Variants in MSRA observed in about 807,000 individuals in gnomAD.
MSRA encodes the protein mitochondrial peptide methionine sulfoxide reductase.
In MSRA, 54 loss-of-function variants were observed where a neutral mutation model predicts 31.3. The observed-to-expected ratio is 1.73, with a 90% CI of 1.39 to 2.17. The LOEUF (loss-of-function observed/expected upper bound fraction) is 2.17, where lower values mean the gene tolerates loss of function less well. Ranked by LOEUF, MSRA falls within the 30% of genes most tolerant of loss-of-function variation. The probability of loss-of-function intolerance (pLI) is 0.00; values close to 1 mark genes in which losing one functional copy is unlikely to be tolerated. For synonymous variants in MSRA, 169 were observed against 116.5 expected (o/e 1.45, Z -2.90); for missense variants, 507 against 300.9 (o/e 1.69, Z -5.07).
At chr8:10,356,965 T>A (rs1804546504) in intron 5 of MSRA, among the ~76,000 whole-genome samples, 1 of 152,106 alleles carries the variant, frequency 6.6e-6, no homozygotes, top group African/African-American at 2.4e-5. Context: ...CTCTTCCTTC[T>A]TTTTTCCTGT....
intron 5 of MSRA, among the ~76,000 whole-genome samples, chr8:10,414,578 G>C (rs1808346311): frequency 6.6e-6 from 1 of 152,198 alleles, no homozygotes; most frequent in Admixed American, 6.5e-5. Flanking sequence ...CTGAATTGCT[G>C]CAGTTCTTCT....
chr8:10,264,224 G>C (rs553562901), intron 3 of MSRA, among the ~76,000 whole-genome samples: 1 of 152,176 alleles, frequency 6.6e-6, no homozygotes, highest in Non-Finnish European at 1.5e-5. Context: ...GTGTCATAAA[G>C]TCACTGCTAT....
chr8:10,339,715 G>A (rs563538420), intron 5 of MSRA, among the ~76,000 whole-genome samples: 59 of 151,082 alleles, frequency 3.9e-4, no homozygotes, highest in African/African-American at 1.4e-3. Context: ...CTAATTTTTT[G>A]TATTTTTAGT....
intron 2 of MSRA, among the ~76,000 whole-genome samples, chr8:10,220,663 C>T (rs76834818): frequency 0.018 from 2,757 of 152,292 alleles, 97 homozygotes; most frequent in African/African-American, 0.062. Flanking sequence ...TGTCAGGTCA[C>T]GATGGAGCTG....
chr8:10,240,418 C>G (rs144331593), intron 2 of MSRA, among the ~76,000 whole-genome samples: 1 of 152,282 alleles, frequency 6.6e-6, no homozygotes, highest in Non-Finnish European at 1.5e-5. Flanking sequence ...CTAGGGTAGC[C>G]AGTGAAGACA....
chr8:10,208,901 T>C, intron 2 of MSRA, among the ~76,000 whole-genome samples: 1 of 152,248 alleles, frequency 6.6e-6, no homozygotes, highest in Admixed American at 6.5e-5. Flanking sequence ...AACTGGAAAT[T>C]AGCCTCAGAA....
chr8:10,373,182 C>T (rs1222084314), intron 5 of MSRA, among the ~76,000 whole-genome samples: 3 of 152,216 alleles, frequency 2.0e-5, no homozygotes, highest in Non-Finnish European at 2.9e-5. Flanking sequence ...TGAGCCACCG[C>T]GCCCAGCCGC....
intron 1 of MSRA, among the ~76,000 whole-genome samples, chr8:10,061,045 C>G (rs571073438): frequency 6.6e-6 from 1 of 152,226 alleles, no homozygotes; most frequent in Non-Finnish European, 1.5e-5. Context: ...GCATCCTGCC[C>G]AGAGCTCTTT....
At chr8:10,130,717 A>C (rs1442240938) in intron 1 of MSRA, among the ~76,000 whole-genome samples, 1 of 152,200 alleles carries the variant, frequency 6.6e-6, no homozygotes, top group African/African-American at 2.4e-5. Context: ...TCTATTTCTC[A>C]CAGTGCTTTT....
rs1321500290 is a variant in MSRA at position 10,323,089 on chromosome 8, C to CCA, written c.543+3100_543+3101insCA. Among the ~76,000 whole-genome samples the CCA allele has an allele frequency of 7.1e-3, 797 of 112,294 alleles. 8 individuals carry two copies. The highest frequency in any genetic ancestry group is 0.04 in the East Asian group (148 of 3,744). 73.7% of individuals were successfully genotyped at this position (112,294 alleles called of 152,430 possible). On this transcript the variant is annotated intron_variant, in intron 5 of 5. Coordinates refer to ENST00000317173, the MANE Select transcript of MSRA (RefSeq NM_012331.5). The stretch of plus-strand genomic sequence containing the variant: ...TGGGCAACAGAGTGAGACTCCATCT[C>CCA]AAAAAAAAAAAAAAAAAAATGCAGA...
chr8:10,225,234 A>G (rs1310507716), intron 2 of MSRA, among the ~76,000 whole-genome samples: 1 of 152,194 alleles, frequency 6.6e-6, no homozygotes, highest in Non-Finnish European at 1.5e-5. Flanking sequence ...ACACCCTCCC[A>G]TGTATTCAGT....
chr8:10,266,244 T>C (rs892443932), intron 3 of MSRA, among the ~76,000 whole-genome samples: 1 of 152,250 alleles, frequency 6.6e-6, no homozygotes, highest in Non-Finnish European at 1.5e-5. Flanking sequence ...CTTCACTTGC[T>C]CATTAGCAGT....
chr8:10,304,832 C>A (rs1027165323), intron 4 of MSRA, among the ~76,000 whole-genome samples: 1 of 152,292 alleles, frequency 6.6e-6, no homozygotes, highest in Non-Finnish European at 1.5e-5. Context: ...TGAAAGAGAG[C>A]AGCAGGTTGG....
intron 1 of MSRA, among the ~76,000 whole-genome samples, chr8:10,137,315 T>C (rs1337177214): frequency 1.3e-5 from 2 of 152,246 alleles, no homozygotes; most frequent in East Asian, 3.8e-4. Context: ...TGGTTTTGTT[T>C]GACTTAGGAA....
chr8:10,199,578 T>A (rs377457579), intron 1 of MSRA, among the ~76,000 whole-genome samples: 2 of 152,152 alleles, frequency 1.3e-5, no homozygotes, highest in South Asian at 2.1e-4. Context: ...AGTTTTTTTT[T>A]AATGAATAAA....
At chr8:10,225,382 C>T (rs1243345745) in intron 2 of MSRA, among the ~76,000 whole-genome samples, 3 of 152,202 alleles carry the variant, frequency 2.0e-5, no homozygotes, top group Admixed American at 6.5e-5. Context: ...CCCATCTCTG[C>T]CTGTGCTCTA....
intron 5 of MSRA, among the ~76,000 whole-genome samples, chr8:10,396,812 C>T (rs7460436): frequency 0.29 from 43,414 of 152,120 alleles, 6,949 homozygotes; most frequent in Non-Finnish European, 0.36. Context: ...CCAGTAAAGC[C>T]GATGGTCTGG....
At chr8:10,265,832 C>T (rs918549122) in intron 3 of MSRA, among the ~76,000 whole-genome samples, 1 of 152,168 alleles carries the variant, frequency 6.6e-6, no homozygotes, top group African/African-American at 2.4e-5. Context: ...GGTGTGTTTG[C>T]ATTTTGTAGA....
chr8:10,165,592 C>G (rs1387456117), intron 1 of MSRA, among the ~76,000 whole-genome samples: 3 of 152,224 alleles, frequency 2.0e-5, no homozygotes, highest in East Asian at 1.9e-4. Flanking sequence ...CAGTCTGTGC[C>G]CAGGTGGCTT....
Sources: gnomAD v4.1 joint callset for allele counts (sites outside exome capture counted in the v4.1 genomes callset) on GRCh38, gnomAD v4.1.1 for gene constraint, MANE v1.5 for transcripts, NCBI Gene and HGNC (gene_info 2026-07-23, HGNC 2026-07-21) for gene names.